NUDT19: variants seen among roughly 807,000 people sequenced by gnomAD.
NUDT19 encodes the protein nudix hydrolase 19.
A neutral mutation model predicts 22.2 loss-of-function variants in NUDT19; 31 were observed. The observed-to-expected ratio is 1.40, with a 90% confidence interval of 1.05 to 1.89. The LOEUF is 1.89. Among genes scored for constraint, NUDT19 ranks in the 40% most tolerant of loss-of-function variants. NUDT19 has a pLI of 0.00. For missense variants in NUDT19, 752 were observed against 514.2 expected (o/e 1.46, Z -4.47); for synonymous variants, 325 against 230.8 (o/e 1.41, Z -3.70).
rs986099665 is a variant in NUDT19, at chr19:32,712,268, G to A, written c.*311G>A. 1.7e-5 allele frequency: 4 copies of A among 231,784 alleles called. No homozygotes were observed. The highest frequency in any genetic ancestry group is 2.5e-5 in the Non-Finnish European group (3 of 118,204). 14.4% of individuals were successfully genotyped at this position (231,784 alleles called of 1,614,324 possible). ...TTTTTTTTGTATTTTTAGTAGAGAC[G>A]GGTTTTCACCGTGTTAGCCAGGATG... On this transcript the variant is annotated 3_prime_UTR_variant, in exon 3 of 3. Coordinates refer to ENST00000397061, the MANE Select transcript of NUDT19 (RefSeq NM_001105570.2).
chr19:32,705,695 A>G lies in NUDT19; in HGVS notation c.715-3490A>G, dbSNP rs529474929. ...CTCCTCCCTGGTTCAGGTGATTCTC[A>G]TGCCTTAGCCTCCTGAGTAGCTGGG... On this transcript the variant is annotated intron_variant, in intron 1 of 2. Transcript: ENST00000397061. Among the ~76,000 whole-genome samples, 7 of 150,742 alleles carry G rather than the reference A, an allele frequency of 4.6e-5. No homozygotes were observed. The Admixed American group carries it at 4.7e-4, about 10-fold the overall frequency.
chr19:32,696,972 TTGTCCTC>T (rs1968270879), intron 1 of NUDT19, among the ~76,000 whole-genome samples: 7 of 152,126 alleles, frequency 4.6e-5, no homozygotes, highest in Admixed American at 4.6e-4. Context: ...CAGAGAACCT[TTGTCCTC>T]TGGGGCAGTG....
intron 1 of NUDT19, among the ~76,000 whole-genome samples, chr19:32,705,587 CT>C (rs11387568): frequency 0.083 from 11,610 of 139,148 alleles, 962 homozygotes; most frequent in African/African-American, 0.22. Flanking sequence ...TTTAGCTGCA[CT>C]TTTTTTTTTT....
At chr19:32,705,135 G>A (rs988797870) in intron 1 of NUDT19, among the ~76,000 whole-genome samples, 7 of 147,224 alleles carry the variant, frequency 4.8e-5, no homozygotes, top group African/African-American at 1.8e-4. Flanking sequence ...AAAAGTATTG[G>A]AACTTGGCTG....
At chr19:32,710,321 T>G (rs76402669) in intron 2 of NUDT19, among the ~76,000 whole-genome samples, 1 of 144,506 alleles carries the variant, frequency 6.9e-6, no homozygotes, top group African/African-American at 2.6e-5. Context: ...GCCAACTTTG[T>G]TTTTTTTTTT....
chr19:32,695,798 A>G (rs754299779), intron 1 of NUDT19, among the ~76,000 whole-genome samples: 3 of 152,240 alleles, frequency 2.0e-5, no homozygotes, highest in Non-Finnish European at 4.4e-5. Flanking sequence ...ATATTGCAGC[A>G]TGGGCATGTA....
chr19:32,692,708 C>T (rs1347396392), intron 1 of NUDT19, 34 bp downstream of exon 1: 1 of 1,415,806 alleles, frequency 7.1e-7, no homozygotes, highest in South Asian at 1.5e-5. Flanking sequence ...TGCGGACCGC[C>T]AGGACGTGAG....
intron 1 of NUDT19, among the ~76,000 whole-genome samples, chr19:32,693,522 C>T (rs902712486): frequency 2.6e-5 from 4 of 152,206 alleles, no homozygotes; most frequent in African/African-American, 9.6e-5. Flanking sequence ...GGGATCAGAG[C>T]AGGTTGGGTG....
intron 2 of NUDT19, among the ~76,000 whole-genome samples, chr19:32,710,085 C>T (rs1390548331): frequency 1.3e-5 from 2 of 151,934 alleles, no homozygotes; most frequent in African/African-American, 2.4e-5. Context: ...AATCTGGGCT[C>T]ACTGCAACCT....
intron 1 of NUDT19, among the ~76,000 whole-genome samples, chr19:32,706,564 T>C (rs529793677): frequency 2.0e-5 from 3 of 152,248 alleles, no homozygotes; most frequent in African/African-American, 7.2e-5. Flanking sequence ...ATGCCTGTAA[T>C]CCCAGCTACT....
intron 1 of NUDT19, among the ~76,000 whole-genome samples, chr19:32,698,672 G>A (rs895041605): frequency 4.6e-5 from 7 of 152,214 alleles, no homozygotes; most frequent in African/African-American, 1.7e-4. Context: ...TGACACAGCA[G>A]CAGAAACACT....
At chr19:32,696,866 T>A (rs1438954222) in intron 1 of NUDT19, among the ~76,000 whole-genome samples, 1 of 152,118 alleles carries the variant, frequency 6.6e-6, no homozygotes, top group Non-Finnish European at 1.5e-5. Context: ...TCAATGGTTA[T>A]ACATACCCAG....
chr19:32,700,667 C>A (rs937201741), intron 1 of NUDT19, among the ~76,000 whole-genome samples: 1 of 152,130 alleles, frequency 6.6e-6, no homozygotes, highest in South Asian at 2.1e-4. Flanking sequence ...TGGCCTCAAG[C>A]GACCGTCCAG....
In NUDT19 at chr19:32,692,198, T is replaced by C; in HGVS notation, c.238T>C (p.Phe80Leu). 6.4e-7 allele frequency: 1 copy of C among 1,574,248 alleles called. No individual in the cohort carries two copies. The highest frequency in any genetic ancestry group is 1.1e-5 in the South Asian group (1 of 88,452). ...CCGCTCGGCGGACTGGCTGGGCCTC[T>C]TCGCGCCGCACCACGGGCCGCCGCG... is the stretch of plus-strand genomic sequence containing the variant. ...ADRSADWLGL[F>L]APHHGPPRFG... Residue 80 changes from phenylalanine to leucine, a missense_variant, in exon 1 of 3, where the codon TTC (phenylalanine) becomes CTC (leucine). Coordinates refer to ENST00000397061, the MANE Select transcript of NUDT19 (RefSeq NM_001105570.2).
chr19:32,696,157 A>G (rs1405404997), intron 1 of NUDT19, among the ~76,000 whole-genome samples: 1 of 152,218 alleles, frequency 6.6e-6, no homozygotes, highest in African/African-American at 2.4e-5. Context: ...AGGGCCACAC[A>G]TGTATGCACT....
At chr19:32,695,979 C>G (rs1429935956) in intron 1 of NUDT19, among the ~76,000 whole-genome samples, 1 of 152,208 alleles carries the variant, frequency 6.6e-6, no homozygotes, top group Non-Finnish European at 1.5e-5. Context: ...ACCTGCCCTT[C>G]GTATCCCATT....
Position 32,691,956 on chromosome 19 carries a change from G to A in NUDT19, c.-5G>A, listed in dbSNP as rs139628009. On this transcript the variant is annotated 5_prime_UTR_variant, in exon 1 of 3. Transcript: ENST00000397061. ...GCCAGAATCGGATCCGGGAAGCTGC[G>A]CGCCATGAGCAGCTCCCTGCGGCCG... 0.016 allele frequency: 20,042 copies of A among 1,218,978 alleles called. 197 individuals are homozygous for A. Among genetic ancestry groups the A allele is most frequent in the Non-Finnish European group, 0.018 (18,001 of 979,784 alleles). 75.5% of individuals were successfully genotyped at this position (1,218,978 alleles called of 1,614,324 possible). A position where few individuals can be genotyped will look rare whatever the true frequency, so the allele number is the denominator to read the frequency against.
chr19:32,699,967 G>A (rs1480420083), intron 1 of NUDT19, among the ~76,000 whole-genome samples: 1 of 152,058 alleles, frequency 6.6e-6, no homozygotes, highest in Non-Finnish European at 1.5e-5. Flanking sequence ...GTCTGGAGTT[G>A]TTTGTTCCTC....
chr19:32,694,138 C>T (rs761477810), intron 1 of NUDT19, among the ~76,000 whole-genome samples: 12 of 152,116 alleles, frequency 7.9e-5, no homozygotes, highest in Non-Finnish European at 1.3e-4. Flanking sequence ...ATACAGGGCC[C>T]GAAGGCGAGT....
Sources: allele counts gnomAD v4.1 joint callset (sites outside exome capture counted in the v4.1 genomes callset), GRCh38; gene constraint gnomAD v4.1.1; transcripts MANE v1.5; gene names NCBI Gene and HGNC (gene_info 2026-07-23, HGNC 2026-07-21).